UNC13C: variants seen among roughly 807,000 people sequenced by gnomAD.
UNC13C encodes protein unc-13 homolog C.
In UNC13C, 174 loss-of-function variants were observed where a neutral mutation model predicts 245.4. That is an observed-to-expected ratio of 0.71 (90% CI 0.63 to 0.80). The LOEUF (loss-of-function observed/expected upper bound fraction) is 0.80. UNC13C is among the 30% of genes least tolerant of loss of function. The pLI is 0.00. For missense variants in UNC13C, 2,829 were observed against 2,602.9 expected (o/e 1.09, Z -1.89); for synonymous variants, 992 against 895.1 (o/e 1.11, Z -1.93).
At position 54,627,998 on chromosome 15, in the gene UNC13C, T is replaced by TATTC. The variant is rs2141325495; in HGVS notation, c.*887_*890dup. Reference sequence around the variant, plus strand: ...CAGTTCAATGCTTTATTTTTAAAAATATTCAATGATTAGTATTGAATGCAG... The same window carrying TATTC: ...CAGTTCAATGCTTTATTTTTAAAAATATTCATTCAATGATTAGTATTGAATGCAG... On this transcript the variant is annotated 3_prime_UTR_variant, in exon 33 of 33. Transcript: ENST00000260323. 6.6e-6 allele frequency: 1 copy of TATTC among 152,548 alleles called. No homozygotes were observed. Among genetic ancestry groups the TATTC allele is most frequent in the Non-Finnish European group, 1.5e-5 (1 of 68,000 alleles). 9.4% of individuals were successfully genotyped at this position (152,548 alleles called of 1,614,324 possible). A position where few individuals can be genotyped will look rare whatever the true frequency, so the allele number is the denominator to read the frequency against.
At chr15:54,557,108 C>T (rs966388998) in intron 29 of UNC13C, among the ~76,000 whole-genome samples, 2 of 152,048 alleles carry the variant, frequency 1.3e-5, no homozygotes, top group African/African-American at 4.8e-5. Context: ...CAGTCTCAGA[C>T]ACCAGACACC....
intron 17 of UNC13C, among the ~76,000 whole-genome samples, chr15:54,375,579 T>C (rs2039588212): frequency 6.6e-6 from 1 of 152,242 alleles, no homozygotes; most frequent in African/African-American, 2.4e-5. Flanking sequence ...ATTGAATCAA[T>C]GAAAAGAAGG....
chr15:54,184,406 A>G (rs1451382524), intron 4 of UNC13C, among the ~76,000 whole-genome samples: 2 of 151,980 alleles, frequency 1.3e-5, no homozygotes, highest in African/African-American at 4.8e-5. Flanking sequence ...TCCTAATGCT[A>G]TCCCTCCCCG....
chr15:54,199,827 A>G (rs2034466084), intron 4 of UNC13C, among the ~76,000 whole-genome samples: 1 of 152,164 alleles, frequency 6.6e-6, no homozygotes, highest in Non-Finnish European at 1.5e-5. Context: ...GATGAATAGA[A>G]TAGTATCACA....
intron 26 of UNC13C, among the ~76,000 whole-genome samples, chr15:54,543,301 T>C (rs747416317): frequency 6.6e-6 from 1 of 152,034 alleles, no homozygotes; most frequent in Non-Finnish European, 1.5e-5. Context: ...TAAAGCAGTG[T>C]TGAGAGGGAA....
chr15:53,881,259 G>A, the UNC13C span, among the ~76,000 whole-genome samples: 1 of 152,160 alleles, frequency 6.6e-6, no homozygotes, highest in African/African-American at 2.4e-5. Context: ...ATACTGTTTG[G>A]AGAGCGTGCA....
At chr15:54,056,773 T>G (rs1243609264) in intron 2 of UNC13C, among the ~76,000 whole-genome samples, 1 of 152,134 alleles carries the variant, frequency 6.6e-6, no homozygotes, top group Non-Finnish European at 1.5e-5. Flanking sequence ...CGGCAGAAAC[T>G]CTACAAGCCA....
chr15:53,918,239 A>C, the UNC13C span, among the ~76,000 whole-genome samples: 1 of 152,258 alleles, frequency 6.6e-6, no homozygotes, highest in Non-Finnish European at 1.5e-5. Context: ...TGGAGTCTTC[A>C]GCCCCTGAGT....
chr15:53,862,062 C>G, the UNC13C span, among the ~76,000 whole-genome samples: 1 of 152,086 alleles, frequency 6.6e-6, no homozygotes, highest in Non-Finnish European at 1.5e-5. Flanking sequence ...GCTTAAACAA[C>G]AGAAATTTAT....
chr15:54,565,571 G>A (rs1186521111), intron 29 of UNC13C, among the ~76,000 whole-genome samples: 1 of 151,958 alleles, frequency 6.6e-6, no homozygotes, highest in Non-Finnish European at 1.5e-5. Context: ...GTGTCAAAAT[G>A]TTATTCATCA....
intron 1 of UNC13C, among the ~76,000 whole-genome samples, chr15:54,010,254 A>G (rs1043724419): frequency 1.3e-5 from 2 of 152,254 alleles, no homozygotes; most frequent in South Asian, 2.1e-4. Flanking sequence ...TTAAAGTTAA[A>G]TAGAATATGG....
intron 17 of UNC13C, among the ~76,000 whole-genome samples, chr15:54,382,620 A>G (rs535718799): frequency 6.6e-6 from 1 of 152,140 alleles, no homozygotes; most frequent in South Asian, 2.1e-4. Context: ...ACTCAGAAAG[A>G]TTTCAAATAG....
chr15:54,547,271 TC>T (rs1186076712), intron 27 of UNC13C, among the ~76,000 whole-genome samples: 1 of 152,200 alleles, frequency 6.6e-6, no homozygotes, highest in Non-Finnish European at 1.5e-5. Flanking sequence ...TGCTTTCATC[TC>T]TTACCTCCCC....
chr15:54,018,962 A>G (rs1895779730), intron 2 of UNC13C, among the ~76,000 whole-genome samples: 1 of 152,176 alleles, frequency 6.6e-6, no homozygotes, highest in Non-Finnish European at 1.5e-5. Flanking sequence ...ATCCAAATTC[A>G]AACTGTGGCT....
chr15:54,048,868 A>G (rs1315588515), intron 2 of UNC13C: 1 of 250,236 alleles, frequency 4.0e-6, no homozygotes, highest in Non-Finnish European at 8.0e-6. Context: ...CTTTCACGTA[A>G]TGTTTTAGGC....
intron 19 of UNC13C, among the ~76,000 whole-genome samples, chr15:54,421,239 T>C (rs1567257698): frequency 6.6e-6 from 1 of 151,958 alleles, no homozygotes; most frequent in Admixed American, 6.6e-5. Context: ...GTATTCATGA[T>C]TGAGTACCAT....
At chr15:53,935,917 C>A in the UNC13C span, among the ~76,000 whole-genome samples, 1 of 152,152 alleles carries the variant, frequency 6.6e-6, no homozygotes, top group South Asian at 2.1e-4. Context: ...CCAGCACGCA[C>A]AGAAACCTAG....
intron 2 of UNC13C, among the ~76,000 whole-genome samples, chr15:54,052,360 T>C (rs1482170675): frequency 6.8e-6 from 1 of 146,576 alleles, no homozygotes; most frequent in East Asian, 2.0e-4. Context: ...ATGGTTGAAC[T>C]AGTTTACAGT....
chr15:54,306,148 A>C (rs74015152), intron 13 of UNC13C, among the ~76,000 whole-genome samples: 2,480 of 152,134 alleles, frequency 0.016, 79 homozygotes, highest in African/African-American at 0.058. Flanking sequence ...CAGTGCTCCA[A>C]GGTACCTCCA....
Sources: gnomAD v4.1 joint callset for allele counts (sites outside exome capture counted in the v4.1 genomes callset) on GRCh38, gnomAD v4.1.1 for gene constraint, MANE v1.5 for transcripts, NCBI Gene and HGNC (gene_info 2026-07-23, HGNC 2026-07-21) for gene names.